Variants in ANKRD6 observed in about 807,000 individuals in gnomAD.
ANKRD6 encodes the protein ankyrin repeat domain 6.
Under a neutral mutation model 82.3 loss-of-function variants are expected in ANKRD6, and 56 were observed. That is an observed-to-expected ratio of 0.68 (90% CI 0.55 to 0.85). The LOEUF (loss-of-function observed/expected upper bound fraction) is 0.85. ANKRD6 is among the 40% of genes least tolerant of loss of function. The pLI is 0.00. For synonymous variants in ANKRD6, 347 were observed against 352.1 expected, an observed-to-expected ratio of 0.99 and a Z score of 0.16; for missense variants, 852 against 907.6, an observed-to-expected ratio of 0.94 and a Z score of 0.79.
chr6:89,630,534 C>T lies in ANKRD6; in HGVS notation c.1714C>T (p.Gln572Ter), dbSNP rs761268339. ...GAAGGCCCTCAACTCCACTGCTACC[C>T]AGAGACTCCAGCAGGAGCTGTCGTC... is the stretch of plus-strand genomic sequence containing the variant. Reference protein sequence around the residue: ...KEKALNSTATQRLQQELSSSD... With the variant: ...KEKALNSTAT The change falls in exon 16 of 16, where the codon CAG (glutamine) becomes TAG (stop). Residue 572 changes from glutamine (Q) to a stop codon, truncating the protein, a stop_gained. Transcript: ENST00000339746. LOFTEE classifies it high-confidence loss of function. The T allele has an allele frequency of 2.4e-5, 38 of 1,613,884 alleles. No individual in the cohort carries two copies. Among genetic ancestry groups the T allele is most frequent in the African/African-American group, 4.0e-5 (3 of 74,946 alleles).
chr6:89,471,359 C>CAAAAAAAAAAAA (rs568718441), intron 1 of ANKRD6, among the ~76,000 whole-genome samples: 1 of 57,116 alleles, frequency 1.8e-5, no homozygotes, highest in Non-Finnish European at 3.5e-5. Flanking sequence ...ACAACAACAA[C>CAAAAAAAAAAAA]AAAAAAAAAA....
chr6:89,564,153 G>A (rs948293576), intron 1 of ANKRD6, among the ~76,000 whole-genome samples: 15 of 152,110 alleles, frequency 9.9e-5, no homozygotes, highest in Non-Finnish European at 2.2e-4. Flanking sequence ...TGGAAAGCTG[G>A]GGTTCTGTTC....
chr6:89,459,666 T>C (rs1410357444), intron 1 of ANKRD6, among the ~76,000 whole-genome samples: 1 of 152,162 alleles, frequency 6.6e-6, no homozygotes, highest in Non-Finnish European at 1.5e-5. Context: ...CATGCTCAGC[T>C]AATTTTAAAA....
At chr6:89,612,969 C>G (rs1228417956) in intron 6 of ANKRD6, among the ~76,000 whole-genome samples, 2 of 152,162 alleles carry the variant, frequency 1.3e-5, no homozygotes, top group Non-Finnish European at 2.9e-5. Flanking sequence ...TGAGGGTCTC[C>G]CTGTTTGGGG....
In ANKRD6 at chr6:89,566,903, G is replaced by A. The variant is rs1788649929; in HGVS notation, c.-74G>A. The A allele has an allele frequency of 6.5e-7, 1 of 1,534,808 alleles. No homozygotes were observed. The highest frequency in any genetic ancestry group is 8.8e-7 in the Non-Finnish European group (1 of 1,135,182). ...GAACATCTTTACCTCTGGGTGCCAG[G>A]CCGGGCCAGTGACTTCGTGTTGAGC... On this transcript the variant is annotated 5_prime_UTR_variant, in exon 2 of 16. Coordinates refer to ENST00000339746, the MANE Select transcript of ANKRD6 (RefSeq NM_001242809.2).
intron 5 of ANKRD6, among the ~76,000 whole-genome samples, chr6:89,607,954 G>T (rs1799218299): frequency 8.9e-6 from 1 of 111,810 alleles, no homozygotes; most frequent in South Asian, 3.5e-4. Flanking sequence ...TCTATTTTTA[G>T]TAGAGATGGG....
intron 1 of ANKRD6, among the ~76,000 whole-genome samples, chr6:89,525,920 T>C (rs1196745787): frequency 6.6e-6 from 1 of 152,254 alleles, no homozygotes; most frequent in African/African-American, 2.4e-5. Context: ...TCTGTCCAAT[T>C]GGAGTTGTAG....
intron 7 of ANKRD6, among the ~76,000 whole-genome samples, chr6:89,616,054 A>C (rs1240777720): frequency 1.3e-5 from 2 of 152,152 alleles, no homozygotes; most frequent in African/African-American, 4.8e-5. Context: ...GCCCCTTCAG[A>C]TCTACCCGCT....
In ANKRD6 at chr6:89,624,542, C is replaced by T. The variant is rs765194980; in HGVS notation, c.1222C>T (p.Pro408Ser). Residue 408 changes from proline (P) to serine (S), a missense_variant, in exon 13 of 16, where the codon CCA becomes TCA. By Grantham distance (74) the Pro-to-Ser change is moderately conservative (BLOSUM62 -1). Transcript: ENST00000339746. ...RGKDGKVMQAPINGCRCEPLI... is the reference protein window; with the variant it reads ...RGKDGKVMQASINGCRCEPLI... ...TCCTTTTTTGTTTCTCTCTTAGGCA[C>T]CAATAAATGGTTGTCGATGTGAACC... 10 of 1,552,234 alleles carry T rather than the reference C, an allele frequency of 6.4e-6. No individual in the cohort carries two copies. The highest frequency in any genetic ancestry group is 4.1e-5 in the African/African-American group (3 of 73,008).
intron 2 of ANKRD6, among the ~76,000 whole-genome samples, chr6:89,581,265 T>C (rs774997047): frequency 6.6e-6 from 1 of 152,206 alleles, no homozygotes; most frequent in African/African-American, 2.4e-5. Flanking sequence ...GCAGTGACTC[T>C]GTTTGGAGGT....
chr6:89,524,353 C>T (rs117358748), intron 1 of ANKRD6, among the ~76,000 whole-genome samples: 366 of 152,056 alleles, frequency 2.4e-3, no homozygotes, highest in Admixed American at 4.7e-3. Flanking sequence ...CTTATGTCTT[C>T]GTGTCCTTAG....
intron 1 of ANKRD6, among the ~76,000 whole-genome samples, chr6:89,559,868 C>T (rs1787147011): frequency 6.6e-6 from 1 of 152,148 alleles, no homozygotes; most frequent in Non-Finnish European, 1.5e-5. Context: ...CAGAGCCTGC[C>T]TCATCTATTT....
intron 1 of ANKRD6, among the ~76,000 whole-genome samples, chr6:89,459,015 A>T (rs1043240766): frequency 1.3e-5 from 2 of 152,168 alleles, no homozygotes; most frequent in Non-Finnish European, 2.9e-5. Flanking sequence ...CACCTGTGGT[A>T]TAGGCGCTTC....
At chr6:89,586,579 C>T (rs192040245) in intron 2 of ANKRD6, among the ~76,000 whole-genome samples, 2 of 151,946 alleles carry the variant, frequency 1.3e-5, no homozygotes, top group Non-Finnish European at 2.9e-5. Flanking sequence ...CCCAGCTACT[C>T]GGGAGGCTGA....
At chr6:89,548,404 A>G (rs112636758) in intron 1 of ANKRD6, among the ~76,000 whole-genome samples, 4 of 152,314 alleles carry the variant, frequency 2.6e-5, no homozygotes, top group African/African-American at 4.8e-5. Flanking sequence ...TGGTGTGGCT[A>G]TACTACATTT....
At chr6:89,618,382 T>C in intron 9 of ANKRD6, 1 of 588,874 alleles carries the variant, frequency 1.7e-6, no homozygotes, top group East Asian at 2.9e-5. Flanking sequence ...TGCCCATCCC[T>C]GAAGAAGTGG....
chr6:89,438,089 C>T (rs980329795), intron 1 of ANKRD6, among the ~76,000 whole-genome samples: 1 of 152,176 alleles, frequency 6.6e-6, no homozygotes, highest in Admixed American at 6.5e-5. Context: ...ACATATGATT[C>T]CTCAATAGTT....
intron 1 of ANKRD6, among the ~76,000 whole-genome samples, chr6:89,529,170 A>T (rs1418131210): frequency 6.6e-6 from 1 of 152,250 alleles, no homozygotes; most frequent in Admixed American, 6.5e-5. Flanking sequence ...ATCTTCTTCC[A>T]GTAGAAGGCT....
At chr6:89,545,223 A>AG (rs1294556067) in intron 1 of ANKRD6, among the ~76,000 whole-genome samples, 4 of 147,670 alleles carry the variant, frequency 2.7e-5, no homozygotes, top group Admixed American at 6.8e-5. Flanking sequence ...AAAAAAAAAA[A>AG]AAAAAAAGAA....
Sources: allele counts gnomAD v4.1 joint callset (sites outside exome capture counted in the v4.1 genomes callset), GRCh38; gene constraint gnomAD v4.1.1; transcripts MANE v1.5; gene names NCBI Gene and HGNC (gene_info 2026-07-23, HGNC 2026-07-21).